The following ANO10 variants were observed in gnomAD, a reference collection of about 807,000 sequenced individuals.
The protein encoded by ANO10 is anoctamin 10.
ANO10 carries 77 observed loss-of-function variants against 74.7 expected under a neutral mutation model. That is an observed-to-expected ratio of 1.03 (90% CI 0.86 to 1.25). The LOEUF (loss-of-function observed/expected upper bound fraction) is 1.25. ANO10 is among the 50% of genes most tolerant of loss of function. The pLI is 0.00. For missense variants in ANO10, 721 were observed against 778.1 expected, an observed-to-expected ratio of 0.93 and a Z score of 0.87; for synonymous variants, 279 against 284.9, an observed-to-expected ratio of 0.98 and a Z score of 0.21.
chr3:43,545,839 T>C (rs1336617944), intron 11 of ANO10, among the ~76,000 whole-genome samples: 1 of 151,860 alleles, frequency 6.6e-6, no homozygotes, highest in Admixed American at 6.5e-5. Context: ...TCACCTCACA[T>C]AGTTACCTTG....
intron 11 of ANO10, among the ~76,000 whole-genome samples, chr3:43,512,245 C>T (rs934640268): frequency 5.3e-5 from 8 of 152,276 alleles, no homozygotes; most frequent in African/African-American, 1.9e-4. Flanking sequence ...GCACTGAGAA[C>T]AACTCTAGGC....
At chr3:43,432,042 G>C (rs2092990410) in intron 12 of ANO10, among the ~76,000 whole-genome samples, 1 of 151,636 alleles carries the variant, frequency 6.6e-6, no homozygotes, top group African/African-American at 2.4e-5. Context: ...AGATACTCCA[G>C]GTGTCTAGGG....
rs761390646 is a variant in ANO10 at position 43,577,201 on chromosome 3, A to T, written c.653T>A (p.Phe218Tyr). ...IALYFGFLEYFTFALIPMAVI... is the reference protein window; with the variant it reads ...IALYFGFLEYYTFALIPMAVI... ...AGCCATGGGGATTAATGCAAAAGTG[A>T]AATACTCCAAAAATCCAAAGTACAG... Residue 218 changes from phenylalanine to tyrosine, a missense_variant, in exon 6 of 13, where the codon TTC becomes TAC. Physicochemically the swap from Phe to Tyr is conservative, Grantham distance 22. Transcript: ENST00000292246. The T allele has an allele frequency of 1.9e-6, 3 of 1,614,206 alleles. No individual in the cohort carries two copies. The highest frequency in any genetic ancestry group is 2.5e-6 in the Non-Finnish European group (3 of 1,180,028).
intron 11 of ANO10, among the ~76,000 whole-genome samples, chr3:43,453,416 T>C (rs2074972833): frequency 6.6e-6 from 1 of 152,138 alleles, no homozygotes; most frequent in South Asian, 2.1e-4. Context: ...CCTGACCTCA[T>C]GATATGCCCA....
chr3:43,625,052 G>T (rs1186537764), upstream of ANO10, among the ~76,000 whole-genome samples: 1 of 152,134 alleles, frequency 6.6e-6, no homozygotes, highest in Non-Finnish European at 1.5e-5. Context: ...GTTCTCTCTG[G>T]CTTCCAAGAG....
Position 43,431,876 on chromosome 3 carries a change from T to C in ANO10, c.1914+735A>G, listed in dbSNP as rs112188238. On this transcript the variant is annotated intron_variant, in intron 12 of 12. Coordinates refer to ENST00000292246, the MANE Select transcript of ANO10 (RefSeq NM_018075.5). ...TCTTTTTTTCTCCCCACTCCCCAAA[T>C]GTAAGAAGAAATATTTCTATGCATA... Among the ~76,000 whole-genome samples, 109 of 152,130 alleles carry C rather than the reference T, an allele frequency of 7.2e-4. 2 individuals carry two copies. Among genetic ancestry groups the C allele is most frequent in the African/African-American group, 2.2e-3 (91 of 41,506 alleles).
intron 1 of ANO10, among the ~76,000 whole-genome samples, chr3:43,645,231 T>C (rs1349622400): frequency 1.3e-5 from 2 of 151,976 alleles, no homozygotes; most frequent in African/African-American, 4.8e-5. Flanking sequence ...AGATTTAAGG[T>C]TGAAATCCCA....
At chr3:43,475,057 T>C (rs2076012814) in intron 11 of ANO10, among the ~76,000 whole-genome samples, 1 of 152,216 alleles carries the variant, frequency 6.6e-6, no homozygotes, top group African/African-American at 2.4e-5. Context: ...CATTGGATTA[T>C]ATCTGCCCAG....
intron 1 of ANO10, among the ~76,000 whole-genome samples, chr3:43,614,788 T>TAC (rs2083010066): frequency 1.5e-5 from 2 of 132,040 alleles, no homozygotes; most frequent in African/African-American, 5.5e-5. Flanking sequence ...TATATATATA[T>TAC]ATATATATAT....
intron 11 of ANO10, among the ~76,000 whole-genome samples, chr3:43,488,763 G>A (rs1293332603): frequency 8.5e-5 from 13 of 152,096 alleles, no homozygotes; most frequent in South Asian, 2.1e-4. Flanking sequence ...TTGGTGTGGC[G>A]ATTCCTCAGG....
At chr3:43,470,453 A>C (rs749980209) in intron 11 of ANO10, among the ~76,000 whole-genome samples, 3 of 152,156 alleles carry the variant, frequency 2.0e-5, no homozygotes, top group Non-Finnish European at 4.4e-5. Context: ...TCCGGGGTTC[A>C]TGCTATTCTC....
At chr3:43,592,753 T>A (rs1227811952) in intron 4 of ANO10, among the ~76,000 whole-genome samples, 1 of 152,108 alleles carries the variant, frequency 6.6e-6, no homozygotes, top group Non-Finnish European at 1.5e-5. Context: ...AGAGAATGAC[T>A]TTGACGAGTT....
intron 1 of ANO10, among the ~76,000 whole-genome samples, chr3:43,670,670 G>C (rs954569028): frequency 6.6e-6 from 1 of 152,146 alleles, no homozygotes; most frequent in African/African-American, 2.4e-5. Context: ...GCATTACTTA[G>C]ATGGGCTGGT....
intron 11 of ANO10, among the ~76,000 whole-genome samples, chr3:43,521,165 A>G (rs2077938800): frequency 6.6e-6 from 1 of 152,200 alleles, no homozygotes; most frequent in Non-Finnish European, 1.5e-5. Context: ...CTTGGCTAGA[A>G]CTTCCTGGAC....
chr3:43,548,573 C>A lies in ANO10; in HGVS notation c.1797+1147G>T, dbSNP rs550985809. The stretch of plus-strand genomic sequence containing the variant: ...AAAAAGAGCAAAGCAGAATATATTT[C>A]TTTAGCCAACACTGGAAATGTGCAA... On this transcript the variant is annotated intron_variant, in intron 11 of 12. Transcript: ENST00000292246. 7.2e-5 allele frequency among the ~76,000 whole-genome samples: 11 copies of A among 152,284 alleles called. No homozygotes were observed. In the South Asian group the frequency reaches 2.1e-3, roughly 29 times the overall value.
chr3:43,629,207 G>A (rs761603339), intron 1 of ANO10, among the ~76,000 whole-genome samples: 14 of 152,162 alleles, frequency 9.2e-5, no homozygotes, highest in Non-Finnish European at 2.1e-4. Context: ...AAGAACCTAT[G>A]TGACTATCGG....
chr3:43,563,857 T>C lies in ANO10; in HGVS notation c.1293+1796A>G, dbSNP rs548685362. On this transcript the variant is annotated intron_variant, in intron 8 of 12. Coordinates refer to ENST00000292246, the MANE Select transcript of ANO10 (RefSeq NM_018075.5). ...TTACCAGAGGCTGGGTGGGTGTGTG[T>C]TGGGGAGAGGAGGATAAAGAGAAGC... Among the ~76,000 whole-genome samples the C allele has an allele frequency of 3.3e-5, 5 of 151,968 alleles. No individual in the cohort carries two copies. The South Asian group carries it at 8.3e-4, about 25-fold the overall frequency.
Position 43,527,214 on chromosome 3 carries a change from C to A in ANO10, c.1797+22506G>T, listed in dbSNP as rs77069322. ...TTTATACTAATTCTATTTCAAAATG[C>A]CCCTTATCCAATTAAACTATTACAA... On this transcript the variant is annotated intron_variant, in intron 11 of 12. Coordinates refer to ENST00000292246, the MANE Select transcript of ANO10 (RefSeq NM_018075.5). 1.2e-3 allele frequency among the ~76,000 whole-genome samples: 188 copies of A among 152,176 alleles called. 1 individual carries two copies. Among genetic ancestry groups the A allele is most frequent in the East Asian group, 0.012 (60 of 5,178 alleles).
intron 1 of ANO10, among the ~76,000 whole-genome samples, chr3:43,633,995 C>A (rs200378527): frequency 1.6e-3 from 193 of 123,920 alleles, no homozygotes; most frequent in African/African-American, 1.6e-3. Flanking sequence ...TCATGGACAG[C>A]AAAAAAAAAA....
Sources: allele counts gnomAD v4.1 joint callset (sites outside exome capture counted in the v4.1 genomes callset), GRCh38; gene constraint gnomAD v4.1.1; transcripts MANE v1.5; gene names NCBI Gene and HGNC (gene_info 2026-07-23, HGNC 2026-07-21).